ACOXL: variants seen among roughly 807,000 people sequenced by gnomAD.
The protein encoded by ACOXL is acyl-coenzyme A oxidase-like protein.
In ACOXL, 70 loss-of-function variants were observed where a neutral mutation model predicts 71.9. The ratio of observed to expected loss-of-function variants is 0.97; its 90% CI spans 0.80 to 1.19. The LOEUF (loss-of-function observed/expected upper bound fraction) is 1.19, where lower values mean the gene tolerates loss of function less well. Among genes scored for constraint, ACOXL ranks in the 50% most tolerant of loss-of-function variants. The pLI, the probability that ACOXL is intolerant of heterozygous loss-of-function variation, is 0.00. For missense variants in ACOXL, 703 were observed against 736.3 expected, an observed-to-expected ratio of 0.95 and a Z score of 0.52; for synonymous variants, 253 against 281.6, an observed-to-expected ratio of 0.90 and a Z score of 1.02.
chr2:111,093,715 T>C, intron 17 of ACOXL: 2 of 544,808 alleles, frequency 3.7e-6, no homozygotes, highest in Non-Finnish European at 6.3e-6. Context: ...TACAAAAAAA[T>C]TAGCTGGGCG....
chr2:110,841,489 C>CT (rs1354683536), intron 10 of ACOXL, 84 bp downstream of exon 10: 154 of 1,172,050 alleles, frequency 1.3e-4, no homozygotes, highest in South Asian at 1.7e-4. Flanking sequence ...AGATTTTGAG[C>CT]TTTTTTTTGG....
chr2:110,941,120 AC>A (rs2060853172), intron 12 of ACOXL, among the ~76,000 whole-genome samples: 1 of 152,200 alleles, frequency 6.6e-6, no homozygotes, highest in Non-Finnish European at 1.5e-5. Context: ...TCATGCAAGC[AC>A]CTCATAGCCT....
At chr2:110,967,314 G>T (rs1009334579) in intron 12 of ACOXL, among the ~76,000 whole-genome samples, 9 of 152,272 alleles carry the variant, frequency 5.9e-5, no homozygotes, top group Admixed American at 2.0e-4. Flanking sequence ...GTGAATTTGA[G>T]GCCAGATCAA....
chr2:111,084,049 A>G (rs1186829473), intron 16 of ACOXL, among the ~76,000 whole-genome samples: 2 of 152,242 alleles, frequency 1.3e-5, no homozygotes, highest in East Asian at 3.9e-4. Context: ...ATTTGGGGCC[A>G]GGAGTGATGG....
chr2:111,031,576 G>A lies in ACOXL; in HGVS notation c.1282-51G>A, dbSNP rs779083959. On this transcript the variant is annotated intron_variant, in intron 14 of 17. Transcript: ENST00000439055. ...TGCCGTCTGTCTTGCTATTAAGTTA[G>A]ACTCTCTCACAATATCCTCAATGGT... 9.6e-5 allele frequency: 147 copies of A among 1,532,986 alleles called. No individual in the cohort carries two copies. The East Asian group carries it at 1.1e-3, about 11-fold the overall frequency. 95.0% of individuals were successfully genotyped at this position (1,532,986 alleles called of 1,614,324 possible). A position where few individuals can be genotyped will look rare whatever the true frequency, so the allele number is the denominator to read the frequency against.
At chr2:110,904,609 A>G (rs1428123231) in intron 10 of ACOXL, among the ~76,000 whole-genome samples, 1 of 152,206 alleles carries the variant, frequency 6.6e-6, no homozygotes, top group Non-Finnish European at 1.5e-5. Flanking sequence ...GAGGACAGCC[A>G]TTGAAAGCAT....
chr2:111,078,475 G>C (rs1456217294), intron 16 of ACOXL, among the ~76,000 whole-genome samples: 2 of 152,074 alleles, frequency 1.3e-5, no homozygotes, highest in African/African-American at 4.8e-5. Context: ...TGTTGGCCAG[G>C]CTGGTCTTGA....
At chr2:111,061,298 A>C (rs998169136) in intron 16 of ACOXL, among the ~76,000 whole-genome samples, 2 of 152,182 alleles carry the variant, frequency 1.3e-5, no homozygotes, top group Non-Finnish European at 1.5e-5. Flanking sequence ...CTAAAGAGAA[A>C]ACCAATTCAA....
chr2:111,017,346 C>T (rs2064503194), intron 14 of ACOXL, among the ~76,000 whole-genome samples: 1 of 152,210 alleles, frequency 6.6e-6, no homozygotes. Context: ...TGCCACATAA[C>T]CAGCAATCTT....
intron 3 of ACOXL, among the ~76,000 whole-genome samples, chr2:110,789,096 A>C (rs1180849611): frequency 6.6e-6 from 1 of 151,974 alleles, no homozygotes; most frequent in Non-Finnish European, 1.5e-5. Context: ...CCTTGGACAA[A>C]CTCATTTGTA....
chr2:110,933,334 G>A (rs1053545898), intron 11 of ACOXL, among the ~76,000 whole-genome samples, 155 bp from the exon 12 acceptor site: 4 of 152,124 alleles, frequency 2.6e-5, no homozygotes, highest in Admixed American at 6.5e-5. Context: ...CTATGCCACT[G>A]TTATTTTTTA....
chr2:111,102,994 A>G (rs1440412398), intron 17 of ACOXL, among the ~76,000 whole-genome samples: 4 of 152,174 alleles, frequency 2.6e-5, no homozygotes, highest in Admixed American at 1.3e-4. Context: ...TAACCATTAA[A>G]AGATAGCACA....
At position 111,044,099 on chromosome 2, in the gene ACOXL, C is replaced by T. The variant is rs557803443; in HGVS notation, c.1370-5119C>T. 4.6e-5 allele frequency among the ~76,000 whole-genome samples: 7 copies of T among 152,292 alleles called. No individual in the cohort carries two copies. The East Asian group carries it at 1.2e-3, about 25-fold the overall frequency. On this transcript the variant is annotated intron_variant, in intron 15 of 17. Transcript: ENST00000439055. The stretch of plus-strand genomic sequence containing the variant: ...CTTTGTTCATCCAGAAGGCCAGATT[C>T]GAATTTAGAATGCCCAGGCTCCTAG...
intron 14 of ACOXL, among the ~76,000 whole-genome samples, chr2:111,008,150 T>A (rs1198288637): frequency 1.3e-5 from 2 of 152,184 alleles, no homozygotes; most frequent in African/African-American, 4.8e-5. Context: ...TTCCCCCTCT[T>A]TTGGTGTGGT....
chr2:110,990,527 G>A (rs968669579), intron 13 of ACOXL, among the ~76,000 whole-genome samples: 1 of 152,060 alleles, frequency 6.6e-6, no homozygotes, highest in Non-Finnish European at 1.5e-5. Context: ...GCAAGAGCTA[G>A]GACCACCAAC....
rs557524140 is a variant in ACOXL at position 111,098,271 on chromosome 2, C to A, written c.1542+5305C>A. On this transcript the variant is annotated intron_variant, in intron 17 of 17. Coordinates refer to ENST00000439055, the MANE Select transcript of ACOXL (RefSeq NM_001142807.4). ...ATTGGAAGAAGAGTTGTCTTGGGCCCCACATAAAATACACTAACACTAGTG... is the reference window on the plus strand; with the variant it reads ...ATTGGAAGAAGAGTTGTCTTGGGCCACACATAAAATACACTAACACTAGTG... 131 of 152,232 alleles carry A rather than the reference C, an allele frequency of 8.6e-4. 1 individual carries two copies. Among genetic ancestry groups the A allele is most frequent in the African/African-American group, 3.0e-3 (126 of 41,554 alleles). 9.4% of individuals were successfully genotyped at this position (152,232 alleles called of 1,614,324 possible).
intron 14 of ACOXL, among the ~76,000 whole-genome samples, chr2:111,013,247 A>G (rs1208754785): frequency 6.6e-6 from 1 of 152,182 alleles, no homozygotes; most frequent in Admixed American, 6.5e-5. Context: ...AATGGGGGCC[A>G]GGTGCGGTGG....
chr2:110,921,173 G>A (rs897136715), intron 11 of ACOXL, among the ~76,000 whole-genome samples: 1 of 152,128 alleles, frequency 6.6e-6, no homozygotes, highest in South Asian at 2.1e-4. Flanking sequence ...GATGTTTTGT[G>A]TCCTCTTTCC....
intron 1 of ACOXL, among the ~76,000 whole-genome samples, chr2:110,761,222 AC>A (rs1680366138): frequency 6.6e-6 from 1 of 152,198 alleles, no homozygotes. Context: ...TTTTTTAAAA[AC>A]AATTTATTCT....
Sources: gnomAD v4.1 joint callset for allele counts (sites outside exome capture counted in the v4.1 genomes callset) on GRCh38, gnomAD v4.1.1 for gene constraint, MANE v1.5 for transcripts, NCBI Gene and HGNC (gene_info 2026-07-23, HGNC 2026-07-21) for gene names.